CPNE8: variants seen among roughly 807,000 people sequenced by gnomAD.
CPNE8 encodes the protein copine-8.
Under a neutral mutation model 81.5 loss-of-function variants are expected in CPNE8, and 45 were observed. The observed-to-expected ratio is 0.55, with a 90% CI of 0.44 to 0.71. The LOEUF (loss-of-function observed/expected upper bound fraction) is 0.71. CPNE8 is among the 30% of genes least tolerant of loss of function. The probability of loss-of-function intolerance (pLI) is 0.00; values close to 1 mark genes in which losing one functional copy is unlikely to be tolerated. For synonymous variants in CPNE8, 252 were observed against 226.3 expected (o/e 1.11, Z -1.02); for missense variants, 594 against 672.1 (o/e 0.88, Z 1.28).
chr12:38,777,126 T>G (rs1941953863), intron 6 of CPNE8, among the ~76,000 whole-genome samples: 1 of 151,946 alleles, frequency 6.6e-6, no homozygotes, highest in African/African-American at 2.4e-5. Flanking sequence ...AACAGCTCCA[T>G]GCATGGTACT....
intron 6 of CPNE8, among the ~76,000 whole-genome samples, chr12:38,795,728 G>C (rs1020545675): frequency 2.0e-5 from 3 of 152,154 alleles, no homozygotes; most frequent in African/African-American, 4.8e-5. Flanking sequence ...AGAGGAAAAG[G>C]AGTGTTGTTT....
intron 3 of CPNE8, among the ~76,000 whole-genome samples, chr12:38,870,099 G>A (rs1418588289): frequency 2.0e-5 from 3 of 152,218 alleles, no homozygotes; most frequent in Admixed American, 2.0e-4. Context: ...GGGCTGTGTA[G>A]CCAGATGGCC....
At chr12:38,894,593 A>G (rs1944359201) in intron 1 of CPNE8, among the ~76,000 whole-genome samples, 1 of 151,622 alleles carries the variant, frequency 6.6e-6, no homozygotes, top group Non-Finnish European at 1.5e-5. Flanking sequence ...TAGCAAATAC[A>G]TTTATTATTC....
At chr12:38,802,709 A>T (rs559875755) in intron 6 of CPNE8, among the ~76,000 whole-genome samples, 1 of 152,018 alleles carries the variant, frequency 6.6e-6, no homozygotes, top group African/African-American at 2.4e-5. Flanking sequence ...AAAATCAATG[A>T]ATCCAGGAGC....
In CPNE8 at chr12:38,685,579, C is replaced by G. The variant is rs201874856; in HGVS notation, c.1182G>C (p.Glu394Asp). ...NPQNPYCDGI[E>D]GVMEAYYRSL... is the part of the protein sequence containing the mutation. ...TCCTGTAATAAGCCTCCATGACCCC[C>G]TCAATGCCATCACAGTAGGGGTTTT... is the stretch of plus-strand genomic sequence containing the variant. Residue 394 changes from glutamate to aspartate, a missense_variant, in exon 16 of 20, where the codon GAG (glutamate) becomes GAC (aspartate). Glu to Asp is a conservative substitution (Grantham distance 45). Coordinates refer to ENST00000331366, the MANE Select transcript of CPNE8 (RefSeq NM_153634.3). 77 of 1,613,556 alleles carry G rather than the reference C, an allele frequency of 4.8e-5. No individual in the cohort carries two copies. The East Asian group carries it at 1.6e-3, about 33-fold the overall frequency.
At chr12:38,831,031 A>G (rs935810412) in intron 5 of CPNE8, among the ~76,000 whole-genome samples, 1 of 152,160 alleles carries the variant, frequency 6.6e-6, no homozygotes, top group Non-Finnish European at 1.5e-5. Flanking sequence ...GCCCTAATTA[A>G]AAAGAGGAGG....
At chr12:38,826,272 A>G (rs1165816734) in intron 6 of CPNE8, among the ~76,000 whole-genome samples, 1 of 152,248 alleles carries the variant, frequency 6.6e-6, no homozygotes, top group Non-Finnish European at 1.5e-5. Context: ...ATATAAGCTT[A>G]GAAAATCAAA....
At chr12:38,670,666 T>A in intron 19 of CPNE8, 63 bp downstream of exon 19, 1 of 1,132,438 alleles carries the variant, frequency 8.8e-7, no homozygotes, top group Non-Finnish European at 1.3e-6. Context: ...AGCTTCTAAT[T>A]TTGTTAAAGA....
intron 10 of CPNE8, among the ~76,000 whole-genome samples, chr12:38,751,903 G>A (rs1020111074): frequency 3.3e-5 from 5 of 151,842 alleles, no homozygotes; most frequent in Non-Finnish European, 7.4e-5. Flanking sequence ...TTTTCACCAG[G>A]CTGCATTGTA....
intron 10 of CPNE8, among the ~76,000 whole-genome samples, chr12:38,758,882 AT>A (rs1472931693): frequency 6.6e-6 from 1 of 152,204 alleles, no homozygotes; most frequent in Non-Finnish European, 1.5e-5. Context: ...ACAGAAACTC[AT>A]CATTTGAAGG....
At chr12:38,880,111 A>T (rs1944130459) in intron 1 of CPNE8, among the ~76,000 whole-genome samples, 1 of 152,242 alleles carries the variant, frequency 6.6e-6, no homozygotes, top group Admixed American at 6.5e-5. Flanking sequence ...CATTTTGCAA[A>T]CACTGTCCAG....
At chr12:38,691,480 T>C (rs1939675035) in intron 15 of CPNE8, among the ~76,000 whole-genome samples, 1 of 152,218 alleles carries the variant, frequency 6.6e-6, no homozygotes. Flanking sequence ...GAAAACCTAC[T>C]TAACCTTTGT....
intron 3 of CPNE8, among the ~76,000 whole-genome samples, chr12:38,867,051 G>T (rs532382443): frequency 6.6e-6 from 1 of 151,928 alleles, no homozygotes; most frequent in Non-Finnish European, 1.5e-5. Flanking sequence ...TAGAGATAGG[G>T]TTTCACCATG....
chr12:38,666,085 T>C (rs533952739), intron 19 of CPNE8, among the ~76,000 whole-genome samples: 2 of 152,306 alleles, frequency 1.3e-5, no homozygotes, highest in South Asian at 4.1e-4. Flanking sequence ...TTATATACTT[T>C]TAATGCACGT....
intron 1 of CPNE8, among the ~76,000 whole-genome samples, chr12:38,893,204 T>C (rs1198515040): frequency 9.2e-5 from 14 of 152,186 alleles, no homozygotes; most frequent in Admixed American, 9.2e-4. Context: ...CCATCTTGAA[T>C]AGGGGCTGGG....
intron 3 of CPNE8, among the ~76,000 whole-genome samples, chr12:38,858,895 A>G (rs1213505010): frequency 6.6e-6 from 1 of 152,244 alleles, no homozygotes; most frequent in African/African-American, 2.4e-5. Context: ...CAGAAAAAGC[A>G]CTGGACAAAA....
intron 1 of CPNE8, among the ~76,000 whole-genome samples, chr12:38,899,783 G>A (rs1237554750): frequency 6.6e-6 from 1 of 152,040 alleles, no homozygotes; most frequent in East Asian, 1.9e-4. Context: ...CTTAAATACA[G>A]ATGACAAAAG....
chr12:38,762,052 A>C, intron 9 of CPNE8, 60 bp downstream of exon 9: 1 of 850,088 alleles, frequency 1.2e-6, no homozygotes, highest in South Asian at 3.3e-5. Context: ...CACTTCCTCA[A>C]ATCACTGTAG....
At chr12:38,775,369 C>T (rs1222943278) in intron 7 of CPNE8, among the ~76,000 whole-genome samples, 2 of 152,104 alleles carry the variant, frequency 1.3e-5, no homozygotes, top group Non-Finnish European at 2.9e-5. Context: ...TAAACTATGG[C>T]TCTCTCTATA....
Sources: allele counts gnomAD v4.1 joint callset (sites outside exome capture counted in the v4.1 genomes callset), GRCh38; gene constraint gnomAD v4.1.1; transcripts MANE v1.5; gene names NCBI Gene and HGNC (gene_info 2026-07-23, HGNC 2026-07-21).